Variants in NTM observed in about 807,000 individuals in gnomAD.
The protein encoded by NTM is IgLON family member 2.
Under a neutral mutation model 42.1 loss-of-function variants are expected in NTM, and 13 were observed. The ratio of observed to expected loss-of-function variants is 0.31; its 90% CI spans 0.20 to 0.49. The LOEUF (loss-of-function observed/expected upper bound fraction) is 0.49. NTM is among the 20% of genes least tolerant of loss of function. The pLI is 0.99. For missense variants in NTM, 373 were observed against 452.8 expected (o/e 0.82, Z 1.60); for synonymous variants, 187 against 179.2 (o/e 1.04, Z -0.35).
At chr11:132,318,978 G>A (rs78919592) in intron 7 of NTM, among the ~76,000 whole-genome samples, 5,422 of 152,246 alleles carry the variant, frequency 0.036, 356 homozygotes, top group African/African-American at 0.12. Context: ...GCACCACAGC[G>A]ATGAGCCACA....
chr11:132,043,603 A>G (rs1481999195), intron 2 of NTM, among the ~76,000 whole-genome samples: 1 of 152,230 alleles, frequency 6.6e-6, no homozygotes, highest in Non-Finnish European at 1.5e-5. Flanking sequence ...AGTTTCTGCA[A>G]GATTGGAAAG....
chr11:132,177,377 C>G (rs2076977790), intron 3 of NTM, among the ~76,000 whole-genome samples: 1 of 152,192 alleles, frequency 6.6e-6, no homozygotes, highest in African/African-American at 2.4e-5. Flanking sequence ...GCACTCCAAT[C>G]CACTGGCCAC....
intron 1 of NTM, among the ~76,000 whole-genome samples, chr11:131,492,634 G>A (rs1954921371): frequency 6.6e-6 from 1 of 152,162 alleles, no homozygotes; most frequent in Non-Finnish European, 1.5e-5. Flanking sequence ...TAGGGGAACA[G>A]AAGATGGATT....
chr11:131,407,109 C>G (rs753375049), intron 1 of NTM, among the ~76,000 whole-genome samples: 1 of 152,130 alleles, frequency 6.6e-6, no homozygotes, highest in Non-Finnish European at 1.5e-5. Flanking sequence ...TTTTCTTGGT[C>G]CCAGAGCCAG....
chr11:132,207,080 A>G (rs932896591), intron 3 of NTM, among the ~76,000 whole-genome samples: 21 of 152,286 alleles, frequency 1.4e-4, no homozygotes, highest in African/African-American at 5.1e-4. Context: ...TGTTCATTGG[A>G]TGACTTTTGG....
In NTM at chr11:131,974,748, G is replaced by T. The variant is rs149282688; in HGVS notation, c.167+63100G>T. On this transcript the variant is annotated intron_variant, in intron 2 of 8. Coordinates refer to ENST00000683400, the MANE Select transcript of NTM (RefSeq NM_001352005.2). ...TATTTTTTTTTCTCATAGAGTTATT[G>T]TGAAAATTTAGTGAGATAACATATG... Among the ~76,000 whole-genome samples, 229 of 152,114 alleles carry T rather than the reference G, an allele frequency of 1.5e-3. 1 individual carries two copies. The highest frequency in any genetic ancestry group is 3.4e-3 in the Middle Eastern group (1 of 294).
At chr11:132,001,013 A>C (rs918590760) in intron 2 of NTM, among the ~76,000 whole-genome samples, 1 of 152,228 alleles carries the variant, frequency 6.6e-6, no homozygotes, top group African/African-American at 2.4e-5. Context: ...TAGCATTCAT[A>C]GTCATCTGCC....
Position 131,755,341 on chromosome 11 carries a change from T to G in NTM, c.83-156223T>G, listed in dbSNP as rs74424533. Reference sequence around the variant, plus strand: ...TCCCAATGACCCTGGGGGTGAAGACTGGCAAGGGAGTGGAAGGGAGAACAA... The same window carrying G: ...TCCCAATGACCCTGGGGGTGAAGACGGGCAAGGGAGTGGAAGGGAGAACAA... On this transcript the variant is annotated intron_variant, in intron 1 of 8. Coordinates refer to ENST00000683400, the MANE Select transcript of NTM (RefSeq NM_001352005.2). Among the ~76,000 whole-genome samples, 1,103 of 152,252 alleles carry G rather than the reference T, an allele frequency of 7.2e-3. 8 individuals carry two copies. The highest frequency in any genetic ancestry group is 0.024 in the African/African-American group (1,010 of 41,534).
At chr11:131,405,128 C>A (rs1244501379) in intron 1 of NTM, among the ~76,000 whole-genome samples, 1 of 152,094 alleles carries the variant, frequency 6.6e-6, no homozygotes, top group Non-Finnish European at 1.5e-5. Flanking sequence ...GAGAAATGGG[C>A]AAATCCCTTG....
At chr11:131,598,815 TTTCTTTCTTTC>T (rs1273511887) in intron 1 of NTM, among the ~76,000 whole-genome samples, 1 of 45,004 alleles carries the variant, frequency 2.2e-5, no homozygotes, top group African/African-American at 7.8e-5. Context: ...TTCTTTCTTC[TTTCTTTCTTTC>T]TTCTTTCTTT....
chr11:131,409,648 C>T (rs767156703), intron 1 of NTM, among the ~76,000 whole-genome samples: 108 of 152,242 alleles, frequency 7.1e-4, no homozygotes, highest in Non-Finnish European at 1.4e-3. Flanking sequence ...GGCAGGGGAG[C>T]GGCATGAGCC....
At position 132,170,942 on chromosome 11, in the gene NTM, G is replaced by T. The variant is rs79614322; in HGVS notation, c.400+24428G>T. Among the ~76,000 whole-genome samples the T allele has an allele frequency of 4.9e-3, 751 of 152,222 alleles. 5 individuals are homozygous for T. Among genetic ancestry groups the T allele is most frequent in the Middle Eastern group, 0.014 (4 of 294 alleles). On this transcript the variant is annotated intron_variant, in intron 3 of 8. Coordinates refer to ENST00000683400, the MANE Select transcript of NTM (RefSeq NM_001352005.2). ...TAGTCCTTAAGTCTTCCCTTCTTCT[G>T]CTAACTAAATAGAGCAAGTATCACC...
At position 131,789,772 on chromosome 11, in the gene NTM, C is replaced by T. The variant is rs532121361; in HGVS notation, c.83-121792C>T. Among the ~76,000 whole-genome samples the T allele has an allele frequency of 3.8e-4, 55 of 144,900 alleles. 1 individual carries two copies. Among genetic ancestry groups the T allele is most frequent in the East Asian group, 3.3e-3 (16 of 4,852 alleles). ...GAGATCAAGACCATCCTGGCTAACA[C>T]GGTGAAACCCCGTCTCTACTAAAAA... On this transcript the variant is annotated intron_variant, in intron 1 of 8. Coordinates refer to ENST00000683400, the MANE Select transcript of NTM (RefSeq NM_001352005.2).
intron 2 of NTM, among the ~76,000 whole-genome samples, chr11:132,121,298 G>A (rs57662446): frequency 0.15 from 22,556 of 152,016 alleles, 1,851 homozygotes; most frequent in East Asian, 0.26. Context: ...GCAAACTAAC[G>A]TCAAGGTCTA....
chr11:131,529,680 C>T (rs2050972901), intron 1 of NTM, among the ~76,000 whole-genome samples: 1 of 152,050 alleles, frequency 6.6e-6, no homozygotes, highest in African/African-American at 2.4e-5. Context: ...AAAGATAAAC[C>T]CTCTAGGAAG....
chr11:131,789,636 A>AGAAGAAGAAGGAGAAGGAGAAG lies in NTM; in HGVS notation c.83-121928_83-121927insGAAGAAGAAGGAGAAGGAGAAG, dbSNP rs1555127949. On this transcript the variant is annotated intron_variant, in intron 1 of 8. Coordinates refer to ENST00000683400, the MANE Select transcript of NTM (RefSeq NM_001352005.2). ...AAGAAGAAGAAGAAGAAGAAGAAGA[A>AGAAGAAGAAGGAGAAGGAGAAG]AAGAAGAAGAAGAAGAAGAAGAAGA... 6.5e-5 allele frequency among the ~76,000 whole-genome samples: 2 copies of AGAAGAAGAAGGAGAAGGAGAAG among 30,900 alleles called. 1 individual carries two copies. Among genetic ancestry groups the AGAAGAAGAAGGAGAAGGAGAAG allele is most frequent in the Non-Finnish European group, 1.5e-4 (2 of 13,764 alleles). The allele number at this position is 30,900 out of a possible 152,430, so 20.3% of individuals were successfully genotyped here.
intron 7 of NTM, among the ~76,000 whole-genome samples, chr11:132,321,052 T>G (rs1004157372): frequency 1.3e-5 from 2 of 151,190 alleles, no homozygotes; most frequent in South Asian, 4.2e-4. Flanking sequence ...AGACCAAAAG[T>G]AGATAAAACC....
At chr11:131,388,838 C>T (rs1316975164) in intron 1 of NTM, among the ~76,000 whole-genome samples, 1 of 150,894 alleles carries the variant, frequency 6.6e-6, no homozygotes, top group Non-Finnish European at 1.5e-5. Flanking sequence ...ATGGTGAAAC[C>T]TCATCTCTAC....
intron 2 of NTM, among the ~76,000 whole-genome samples, chr11:132,007,887 C>A (rs2071171777): frequency 6.6e-6 from 1 of 151,966 alleles, no homozygotes; most frequent in African/African-American, 2.4e-5. Flanking sequence ...ATCTCTGCAA[C>A]TTGAGAATGG....
Sources: gnomAD v4.1 joint callset for allele counts (sites outside exome capture counted in the v4.1 genomes callset) on GRCh38, gnomAD v4.1.1 for gene constraint, MANE v1.5 for transcripts, NCBI Gene and HGNC (gene_info 2026-07-23, HGNC 2026-07-21) for gene names.